HTR1F: variants seen among roughly 807,000 people sequenced by gnomAD.
HTR1F encodes the protein 5-hydroxytryptamine (serotonin) receptor 1F, G protein-coupled.
In HTR1F, 17 loss-of-function variants were observed where a neutral mutation model predicts 24.0. The ratio of observed to expected loss-of-function variants is 0.71; its 90% CI spans 0.48 to 1.06. The LOEUF (loss-of-function observed/expected upper bound fraction) is 1.06, where lower values mean the gene tolerates loss of function less well. HTR1F is among the 50% of genes least tolerant of loss of function. HTR1F has a pLI of 0.00. For missense variants in HTR1F, 391 were observed against 427.8 expected, an observed-to-expected ratio of 0.91 and a Z score of 0.76; for synonymous variants, 186 against 156.8, an observed-to-expected ratio of 1.19 and a Z score of -1.39.
chr3:87,926,128 T>C (rs966836476), intron 2 of HTR1F, among the ~76,000 whole-genome samples: 1 of 152,214 alleles, frequency 6.6e-6, no homozygotes, highest in Non-Finnish European at 1.5e-5. Flanking sequence ...TGTATTTACG[T>C]ATTCACATGC....
chr3:87,860,984 C>T (rs934670464), intron 2 of HTR1F, among the ~76,000 whole-genome samples: 1 of 151,996 alleles, frequency 6.6e-6, no homozygotes, highest in Admixed American at 6.6e-5. Flanking sequence ...TGGCAAAACA[C>T]CATCTCTACT....
intron 2 of HTR1F, among the ~76,000 whole-genome samples, chr3:87,845,337 T>C (rs895227365): frequency 6.6e-6 from 1 of 151,696 alleles, no homozygotes; most frequent in African/African-American, 2.4e-5. Context: ...GAAAACCCCA[T>C]AGTCTCAGCC....
intron 2 of HTR1F, among the ~76,000 whole-genome samples, chr3:87,888,601 A>T (rs72913722): frequency 0.12 from 18,178 of 152,136 alleles, 1,374 homozygotes; most frequent in African/African-American, 0.21. Context: ...ACAAATGTTT[A>T]TATTGGGAAA....
At chr3:87,866,609 C>G (rs772878109) in intron 2 of HTR1F, among the ~76,000 whole-genome samples, 13 of 148,934 alleles carry the variant, frequency 8.7e-5, no homozygotes, top group Non-Finnish European at 1.2e-4. Flanking sequence ...ACACTTTCCA[C>G]TATATTGTTT....
chr3:87,950,789 A>C (rs1221830586), intron 2 of HTR1F, among the ~76,000 whole-genome samples: 1 of 152,168 alleles, frequency 6.6e-6, no homozygotes, highest in Non-Finnish European at 1.5e-5. Flanking sequence ...AGTTGTTGTC[A>C]ATTCATTGGT....
rs1051320195 is a variant in HTR1F at position 87,933,595 on chromosome 3, C to A, written c.-42-57113C>A. Among the ~76,000 whole-genome samples the A allele has an allele frequency of 3.9e-5, 6 of 152,028 alleles. 1 individual carries two copies. Among genetic ancestry groups the A allele is most frequent in the Non-Finnish European group, 7.4e-5 (5 of 67,976 alleles). On this transcript the variant is annotated intron_variant, in intron 2 of 2. Coordinates refer to ENST00000319595, the MANE Select transcript of HTR1F (RefSeq NM_001322209.2). Reference sequence around the variant, plus strand: ...AGAGAGCCAAATCATGAGTGAACTCCCATTCACAATTGCTTCAAAGAGAAT... The same window carrying A: ...AGAGAGCCAAATCATGAGTGAACTCACATTCACAATTGCTTCAAAGAGAAT...
At chr3:87,846,492 T>C (rs898355662) in intron 2 of HTR1F, among the ~76,000 whole-genome samples, 12 of 151,908 alleles carry the variant, frequency 7.9e-5, no homozygotes, top group Non-Finnish European at 1.0e-4. Flanking sequence ...ATACCAACTT[T>C]ATACAACTTT....
At chr3:87,982,870 G>A (rs1361668147) in intron 2 of HTR1F, among the ~76,000 whole-genome samples, 3 of 152,168 alleles carry the variant, frequency 2.0e-5, no homozygotes, top group Admixed American at 1.3e-4. Context: ...TAAATCGCCT[G>A]TTTAGTTTAC....
intron 2 of HTR1F, among the ~76,000 whole-genome samples, chr3:87,971,817 C>A (rs1266205008): frequency 6.6e-6 from 1 of 152,140 alleles, no homozygotes; most frequent in Non-Finnish European, 1.5e-5. Flanking sequence ...TTTGGAAATT[C>A]TTTCATATCA....
intron 2 of HTR1F, among the ~76,000 whole-genome samples, chr3:87,942,246 A>G (rs1483423010): frequency 6.6e-6 from 1 of 152,078 alleles, no homozygotes; most frequent in Non-Finnish European, 1.5e-5. Flanking sequence ...GAAAAGAGTA[A>G]AGTTCCCCAG....
chr3:87,834,645 C>G (rs1299590050), intron 2 of HTR1F, among the ~76,000 whole-genome samples: 1 of 152,090 alleles, frequency 6.6e-6, no homozygotes, highest in East Asian at 1.9e-4. Flanking sequence ...ATAGCTTAGA[C>G]CAGAAGTCTG....
At position 87,929,106 on chromosome 3, in the gene HTR1F, A is replaced by G. The variant is rs530251879; in HGVS notation, c.-42-61602A>G. Among the ~76,000 whole-genome samples the G allele has an allele frequency of 1.4e-3, 213 of 152,358 alleles. 3 individuals are homozygous for G. The highest frequency in any genetic ancestry group is 1.7e-3 in the Non-Finnish European group (114 of 68,026). On this transcript the variant is annotated intron_variant, in intron 2 of 2. Coordinates refer to ENST00000319595, the MANE Select transcript of HTR1F (RefSeq NM_001322209.2). ...TTTGATGAGTAAGAAATTAAGTCTAACAGGAATTAGCTATTGTCTGGAAAC... is the reference window on the plus strand; with the variant it reads ...TTTGATGAGTAAGAAATTAAGTCTAGCAGGAATTAGCTATTGTCTGGAAAC...
chr3:87,895,052 T>C (rs1429257709), intron 2 of HTR1F, among the ~76,000 whole-genome samples: 1 of 152,076 alleles, frequency 6.6e-6, no homozygotes, highest in Non-Finnish European at 1.5e-5. Context: ...GTTAACCAGT[T>C]TGCAAAATTC....
intron 2 of HTR1F, among the ~76,000 whole-genome samples, chr3:87,869,977 A>G (rs1705520060): frequency 6.6e-6 from 1 of 152,136 alleles, no homozygotes. Context: ...TTGCTAACCT[A>G]TCATTAGTAA....
chr3:87,848,659 G>C (rs1416541005), intron 2 of HTR1F, among the ~76,000 whole-genome samples: 1 of 151,840 alleles, frequency 6.6e-6, no homozygotes, highest in Non-Finnish European at 1.5e-5. Flanking sequence ...AAAAGAGGAA[G>C]TCAAATTGTC....
At chr3:87,960,853 CTGCTTACT>C (rs970312866) in intron 2 of HTR1F, among the ~76,000 whole-genome samples, 2 of 151,980 alleles carry the variant, frequency 1.3e-5, no homozygotes, top group African/African-American at 4.8e-5. Context: ...TGGTGGTAGA[CTGCTTACT>C]AATGACTATC....
At chr3:87,848,345 C>T (rs951786285) in intron 2 of HTR1F, among the ~76,000 whole-genome samples, 3 of 151,730 alleles carry the variant, frequency 2.0e-5, no homozygotes, top group Non-Finnish European at 4.4e-5. Flanking sequence ...GTCTTTTGCC[C>T]TTTTGCCCAT....
intron 1 of HTR1F, among the ~76,000 whole-genome samples, chr3:87,795,890 G>T (rs1703896659): frequency 6.6e-6 from 1 of 152,050 alleles, no homozygotes; most frequent in African/African-American, 2.4e-5. Flanking sequence ...TGAAAAAGGG[G>T]AAACTCTATT....
intron 2 of HTR1F, among the ~76,000 whole-genome samples, chr3:87,987,497 G>A (rs1249318651): frequency 6.6e-6 from 1 of 151,164 alleles, no homozygotes. Flanking sequence ...AGGAAATATG[G>A]TCATAGCATA....
Sources: allele counts gnomAD v4.1 joint callset (sites outside exome capture counted in the v4.1 genomes callset), GRCh38; gene constraint gnomAD v4.1.1; transcripts MANE v1.5; gene names NCBI Gene and HGNC (gene_info 2026-07-23, HGNC 2026-07-21).